Variants in JAK2 observed in about 807,000 individuals in gnomAD.
The protein encoded by JAK2 is tyrosine-protein kinase JAK2.
A neutral mutation model predicts 139.3 loss-of-function variants in JAK2; 86 were observed. That is an observed-to-expected ratio of 0.62 (90% CI 0.52 to 0.74). The LOEUF (loss-of-function observed/expected upper bound fraction) is 0.74, where lower values mean the gene tolerates loss of function less well. Among genes scored for constraint, JAK2 ranks in the 30% least tolerant of loss-of-function variants. JAK2 has a pLI of 0.00. For synonymous variants in JAK2, 490 were observed against 437.7 expected (o/e 1.12, Z -1.49); for missense variants, 1,421 against 1,360.3 (o/e 1.04, Z -0.70).
At chr9:5,077,969 C>T (rs1194505269) in intron 15 of JAK2, among the ~76,000 whole-genome samples, 1 of 152,184 alleles carries the variant, frequency 6.6e-6, no homozygotes, top group Non-Finnish European at 1.5e-5. Flanking sequence ...TCAGACCCCT[C>T]AGGGTGCACC....
chr9:5,079,456 A>C (rs1209618388), intron 16 of JAK2, among the ~76,000 whole-genome samples: 1 of 151,680 alleles, frequency 6.6e-6, no homozygotes, highest in Non-Finnish European at 1.5e-5. Flanking sequence ...ATTTTGGTGC[A>C]ATTTAGCCTT....
intron 14 of JAK2, among the ~76,000 whole-genome samples, chr9:5,074,540 CAGAG>C (rs954085445): frequency 2.0e-5 from 3 of 152,170 alleles, no homozygotes; most frequent in African/African-American, 7.2e-5. Context: ...GTGTCCCAAA[CAGAG>C]AGAATATAAG....
chr9:5,083,436 G>T (rs1819854899), intron 19 of JAK2, among the ~76,000 whole-genome samples: 1 of 152,136 alleles, frequency 6.6e-6, no homozygotes, highest in African/African-American at 2.4e-5. Flanking sequence ...GTTATTATCA[G>T]CTATTCCTAA....
At chr9:5,104,229 G>T (rs553294842) in intron 22 of JAK2, among the ~76,000 whole-genome samples, 1 of 152,116 alleles carries the variant, frequency 6.6e-6, no homozygotes, top group East Asian at 1.9e-4. Context: ...TGGTAAAGGG[G>T]ATATCACCAC....
chr9:5,118,759 G>T (rs1252152179), intron 22 of JAK2, among the ~76,000 whole-genome samples: 3 of 152,124 alleles, frequency 2.0e-5, no homozygotes, highest in Non-Finnish European at 2.9e-5. Flanking sequence ...TCTGAGATAT[G>T]CAGGAAAAAA....
chr9:5,116,332 C>T (rs1195623340), intron 22 of JAK2, among the ~76,000 whole-genome samples: 2 of 152,046 alleles, frequency 1.3e-5, no homozygotes, highest in African/African-American at 4.8e-5. Flanking sequence ...TAATTGTTCT[C>T]TAATTTGGGT....
At chr9:5,092,270 A>G (rs1188709815) in intron 22 of JAK2, among the ~76,000 whole-genome samples, 1 of 152,122 alleles carries the variant, frequency 6.6e-6, no homozygotes, top group African/African-American at 2.4e-5. Flanking sequence ...GAGGTTGAAT[A>G]AGGCCACGAA....
At chr9:5,102,322 G>A (rs550379915) in intron 22 of JAK2, among the ~76,000 whole-genome samples, 84 of 152,238 alleles carry the variant, frequency 5.5e-4, no homozygotes, top group African/African-American at 1.6e-3. Context: ...GAAATAAAGC[G>A]AGAGGAGAAG....
At chr9:4,984,818 C>A (rs921565855), upstream of JAK2, 2 of 152,292 alleles carry the variant, frequency 1.3e-5, no homozygotes, top group Non-Finnish European at 2.9e-5. Flanking sequence ...CACACACCCG[C>A]CCATCTAGTG....
intron 22 of JAK2, chr9:5,098,670 A>C (rs1821215721): frequency 1.3e-5 from 2 of 152,120 alleles, no homozygotes; most frequent in Admixed American, 1.3e-4. Flanking sequence ...ATGAATATAT[A>C]GACTATGAAG....
intron 22 of JAK2, among the ~76,000 whole-genome samples, chr9:5,107,039 A>G (rs1822020130): frequency 6.6e-6 from 1 of 152,172 alleles, no homozygotes; most frequent in African/African-American, 2.4e-5. Flanking sequence ...ATAAAAATAT[A>G]TATACATCAC....
chr9:5,060,267 T>C (rs2130454109), intron 8 of JAK2, among the ~76,000 whole-genome samples: 1 of 152,290 alleles, frequency 6.6e-6, no homozygotes, highest in East Asian at 1.9e-4. Flanking sequence ...CTGCTTAAGG[T>C]TGGGTTGGCC....
chr9:5,093,929 C>A (rs979669195), intron 22 of JAK2, among the ~76,000 whole-genome samples: 1 of 152,024 alleles, frequency 6.6e-6, no homozygotes, highest in African/African-American at 2.4e-5. Context: ...TATGAAAGGA[C>A]AAGAGAAATA....
chr9:5,116,198 T>C (rs73399374), intron 22 of JAK2, among the ~76,000 whole-genome samples: 175 of 152,290 alleles, frequency 1.1e-3, no homozygotes, highest in African/African-American at 4.1e-3. Context: ...CATGGAGAAC[T>C]GAATAGCTTA....
At chr9:5,070,110 T>C in intron 12 of JAK2, 58 bp downstream of exon 12, 1 of 1,260,268 alleles carries the variant, frequency 7.9e-7, no homozygotes, top group Non-Finnish European at 1.1e-6. Context: ...ACATCTGTTT[T>C]CTTGATTTAC....
At chr9:5,036,713 A>C (rs1354579839) in intron 4 of JAK2, among the ~76,000 whole-genome samples, 5 of 152,204 alleles carry the variant, frequency 3.3e-5, no homozygotes, top group Admixed American at 6.5e-5. Context: ...AAATTAATTC[A>C]AGATGGATTA....
chr9:5,083,491 C>G (rs1401367353), intron 19 of JAK2, among the ~76,000 whole-genome samples: 1 of 152,182 alleles, frequency 6.6e-6, no homozygotes, highest in Admixed American at 6.5e-5. Flanking sequence ...TGATTTTCCT[C>G]TTTTCTGGGA....
At chr9:5,073,554 A>C in intron 13 of JAK2, 144 bp from the exon 14 acceptor site, 1 of 654,764 alleles carries the variant, frequency 1.5e-6, no homozygotes, top group Non-Finnish European at 2.7e-6. Flanking sequence ...GGTCCATATA[A>C]AGGGACCAAA....
chr9:4,996,367 G>A (rs553208159), intron 2 of JAK2, among the ~76,000 whole-genome samples: 32 of 152,238 alleles, frequency 2.1e-4, no homozygotes, highest in African/African-American at 7.2e-4. Flanking sequence ...AGAATCGCTT[G>A]TACCTGGGAG....
Sources: gnomAD v4.1 joint callset for allele counts (sites outside exome capture counted in the v4.1 genomes callset) on GRCh38, gnomAD v4.1.1 for gene constraint, MANE v1.5 for transcripts, NCBI Gene and HGNC (gene_info 2026-07-23, HGNC 2026-07-21) for gene names.